The following TTBK1 variants were observed in gnomAD, a reference collection of about 807,000 sequenced individuals.
TTBK1 encodes the protein tau-tubulin kinase 1.
Under a neutral mutation model 108.5 loss-of-function variants are expected in TTBK1, and 34 were observed. That is an observed-to-expected ratio of 0.31 (90% CI 0.24 to 0.42). The LOEUF is 0.42. Ranked by LOEUF, TTBK1 falls within the 10% of genes least tolerant of loss-of-function variation. TTBK1 has a pLI of 1.00. For synonymous variants in TTBK1, 809 were observed against 795.1 expected (o/e 1.02, Z -0.29); for missense variants, 1,539 against 1,826.0 (o/e 0.84, Z 2.86).
chr6:43,277,969 G>A (rs1432745669), intron 13 of TTBK1, among the ~76,000 whole-genome samples: 1 of 152,026 alleles, frequency 6.6e-6, no homozygotes, highest in East Asian at 1.9e-4. Flanking sequence ...AGCATAGGAG[G>A]AGTGGGGAGC....
rs142312292 is a variant in TTBK1 at position 43,269,983 on chromosome 6, T to TG, written c.1986+6642dup. The TG allele has an allele frequency of 3.2e-3, 4,226 of 1,302,044 alleles. 5 individuals carry two copies. The highest frequency in any genetic ancestry group is 5.3e-3 in the African/African-American group (339 of 64,296). The allele number at this position is 1,302,044 out of a possible 1,614,324, so 80.7% of individuals were successfully genotyped here. ...CCCCCCCCCTCCTGGAGGGGGCAGG[T>TG]GGGGGGGGGTGGGGAGCAGGCAGAG... is the stretch of plus-strand genomic sequence containing the variant. On this transcript the variant is annotated intron_variant, in intron 13 of 14. Coordinates refer to ENST00000259750, the MANE Select transcript of TTBK1 (RefSeq NM_032538.3). This position sits in a 1 kb window ranked among gnomAD's most constrained non-coding sequence, Gnocchi z 4.8.
At position 43,253,224 on chromosome 6, in the gene TTBK1, C is replaced by G. The variant is rs189797208; in HGVS notation, c.257-67C>G. Reference sequence around the variant, plus strand: ...CCAGGAATCAAGAGTGCACTAGGAACCCATCTTAGGGTTGGAAATGAGGAA... The same window carrying G: ...CCAGGAATCAAGAGTGCACTAGGAAGCCATCTTAGGGTTGGAAATGAGGAA... On this transcript the variant is annotated intron_variant, in intron 3 of 14. Coordinates refer to ENST00000259750, the MANE Select transcript of TTBK1 (RefSeq NM_032538.3). This position sits in a 1 kb window ranked among gnomAD's most constrained non-coding sequence, Gnocchi z 5.8. 6.4e-7 allele frequency: 1 copy of G among 1,558,602 alleles called. No individual in the cohort carries two copies. Among genetic ancestry groups the G allele is most frequent in the African/African-American group, 1.4e-5 (1 of 73,696 alleles).
chr6:43,283,270 A>C lies in TTBK1; in HGVS notation c.2530A>C (p.Met844Leu). Residue 844 changes from methionine to leucine, a missense_variant, in exon 14 of 15, where the codon ATG (methionine) becomes CTG (leucine). Transcript: ENST00000259750. This position sits in a 1 kb window ranked among gnomAD's most constrained non-coding sequence, Gnocchi z 8.1. Reference sequence around the variant, plus strand: ...GCTGGTGCTTGTCTCTCCTGGCGACATGAAGAAGTCGCCCGTCACTGCCGA... The same window carrying C: ...GCTGGTGCTTGTCTCTCCTGGCGACCTGAAGAAGTCGCCCGTCACTGCCGA... ...KTLVLVSPGD[M>L]KKSPVTAELA... The C allele has an allele frequency of 6.4e-7, 1 of 1,558,892 alleles. No homozygotes were observed. The highest frequency in any genetic ancestry group is 8.7e-7 in the Non-Finnish European group (1 of 1,151,624).
Position 43,285,150 on chromosome 6 carries a change from C to T in TTBK1, c.3740C>T (p.Ala1247Val). The T allele has an allele frequency of 4.9e-6, 7 of 1,429,282 alleles. No homozygotes were observed. The highest frequency in any genetic ancestry group is 6.4e-6 in the Non-Finnish European group (7 of 1,099,278). The allele number at this position is 1,429,282 out of a possible 1,614,324, so 88.5% of individuals were successfully genotyped here. A position where few individuals can be genotyped will look rare whatever the true frequency, so the allele number is the denominator to read the frequency against. ...ACATCCGCCGCGCGCAATGCCAGCG[C>T]GTCCCCCCGGAGCCAGTCCCTGTCC... ...ASTSAARNAS[A>V]SPRSQSLSRR... The change falls in exon 15 of 15, where the codon GCG becomes GTG. Residue 1247 changes from alanine to valine, a missense_variant. Ala to Val is a moderately conservative substitution (Grantham distance 64, BLOSUM62 0). Coordinates refer to ENST00000259750, the MANE Select transcript of TTBK1 (RefSeq NM_032538.3). This position sits in a 1 kb window ranked among gnomAD's most constrained non-coding sequence, Gnocchi z 4.7.
intron 1 of TTBK1, among the ~76,000 whole-genome samples, chr6:43,245,187 G>T (rs190086239): frequency 6.6e-6 from 1 of 152,256 alleles, no homozygotes; most frequent in East Asian, 1.9e-4. Context: ...TTCATCCCAA[G>T]GAAAGGTGGG....
intron 13 of TTBK1, chr6:43,272,106 C>T (rs1040476428): frequency 4.1e-6 from 4 of 985,406 alleles, no homozygotes; most frequent in Non-Finnish European, 4.8e-6. Flanking sequence ...CCTCCTCTTG[C>T]CCTCTTCCCA....
rs1778262848 is a variant in TTBK1, at chr6:43,283,729, G to T, written c.2989G>T (p.Ala997Ser). 1.2e-6 allele frequency: 2 copies of T among 1,613,796 alleles called. No homozygotes were observed. The highest frequency in any genetic ancestry group is 1.7e-6 in the Non-Finnish European group (2 of 1,179,854). Residue 997 changes from alanine to serine, a missense_variant, in exon 14 of 15, where the codon GCC becomes TCC. Ala to Ser is a moderately conservative substitution (Grantham distance 99). Coordinates refer to ENST00000259750, the MANE Select transcript of TTBK1 (RefSeq NM_032538.3). This position sits in a 1 kb window ranked among gnomAD's most constrained non-coding sequence, Gnocchi z 8.1. ...GAATGGGGCTGAGATAGAGGGCTCT[G>T]CCCTGTCTGGGGCCCCCCGGGAAAC... The part of the protein sequence containing the change: ...GLNGAEIEGS[A>S]LSGAPRETPS...
chr6:43,284,963 T>C lies in TTBK1; in HGVS notation c.3573-20T>C. 1 of 1,507,232 alleles carries C rather than the reference T, an allele frequency of 6.6e-7. No individual in the cohort carries two copies. Among genetic ancestry groups the C allele is most frequent in the Non-Finnish European group, 8.8e-7 (1 of 1,134,160 alleles). The allele number at this position is 1,507,232 out of a possible 1,614,324, so 93.4% of individuals were successfully genotyped here. A position where few individuals can be genotyped will look rare whatever the true frequency, so the allele number is the denominator to read the frequency against. On this transcript the variant is annotated intron_variant, in intron 14 of 14. Coordinates refer to ENST00000259750, the MANE Select transcript of TTBK1 (RefSeq NM_032538.3). ...GTTTCTTTGCCCTCTTCTTTTCTCC[T>C]GCCTTCTGCTCTCAAGCAGGCTCCA... is the stretch of plus-strand genomic sequence containing the variant.
chr6:43,253,207 C>A lies in TTBK1; in HGVS notation c.257-84C>A. 6.9e-7 allele frequency: 1 copy of A among 1,459,826 alleles called. No individual in the cohort carries two copies. The highest frequency in any genetic ancestry group is 9.6e-7 in the Non-Finnish European group (1 of 1,040,840). 90.4% of individuals were successfully genotyped at this position (1,459,826 alleles called of 1,614,324 possible). A position where few individuals can be genotyped will look rare whatever the true frequency, so the allele number is the denominator to read the frequency against. ...GGCCAGCACTGGAGGGACCAGGAATCAAGAGTGCACTAGGAACCCATCTTA... is the reference window on the plus strand; with the variant it reads ...GGCCAGCACTGGAGGGACCAGGAATAAAGAGTGCACTAGGAACCCATCTTA... On this transcript the variant is annotated intron_variant, in intron 3 of 14. Transcript: ENST00000259750. This position sits in a 1 kb window ranked among gnomAD's most constrained non-coding sequence, Gnocchi z 5.8.
rs758793081 is a variant in TTBK1, at chr6:43,282,957, G to A, written c.2217G>A (p.Glu739=). ...GGAAGGAGGAAGAGGAGGAGGAGGA[G>A]GAAGATGAGGAAGAGGAAGAAGAGG... ...ANGKEEEEEE[E]EDEEEEEEDE... Residue 739 remains glutamate (E), a synonymous_variant, in exon 14 of 15, where the codon GAG becomes GAA. Transcript: ENST00000259750. The surrounding 1 kb of genome is among the most constrained non-coding windows in gnomAD (Gnocchi z 5.4). 2 of 1,606,450 alleles carry A rather than the reference G, an allele frequency of 1.2e-6. No homozygotes were observed. The highest frequency in any genetic ancestry group is 1.1e-5 in the South Asian group (1 of 90,362).
chr6:43,278,314 C>T (rs1778063571), intron 13 of TTBK1, among the ~76,000 whole-genome samples: 1 of 152,140 alleles, frequency 6.6e-6, no homozygotes, highest in Admixed American at 6.5e-5. Flanking sequence ...AGGCCTAGCC[C>T]TCTAGATGAG....
At chr6:43,266,286 T>C (rs1330989681) in intron 13 of TTBK1, among the ~76,000 whole-genome samples, 1 of 152,258 alleles carries the variant, frequency 6.6e-6, no homozygotes, top group Non-Finnish European at 1.5e-5. Flanking sequence ...GTGTAGAATA[T>C]GCAGCAGGTC....
In TTBK1 at chr6:43,285,548, C is replaced by A; in HGVS notation, c.*172C>A. On this transcript the variant is annotated 3_prime_UTR_variant, in exon 15 of 15. Coordinates refer to ENST00000259750, the MANE Select transcript of TTBK1 (RefSeq NM_032538.3). The surrounding 1 kb of genome is among the most constrained non-coding windows in gnomAD (Gnocchi z 4.7). The stretch of plus-strand genomic sequence containing the variant: ...CGCGCGAGCACACGCGGCGCCCCGC[C>A]AGGCCTTAGGGCCCGTGGGGGACGC... 1 of 886,102 alleles carries A rather than the reference C, an allele frequency of 1.1e-6. No individual in the cohort carries two copies. The highest frequency in any genetic ancestry group is 1.5e-6 in the Non-Finnish European group (1 of 680,596). The allele number at this position is 886,102 out of a possible 1,614,324, so 54.9% of individuals were successfully genotyped here. A position where few individuals can be genotyped will look rare whatever the true frequency, so the allele number is the denominator to read the frequency against.
At chr6:43,267,166 C>T (rs777454761) in intron 13 of TTBK1, among the ~76,000 whole-genome samples, 15 of 152,072 alleles carry the variant, frequency 9.9e-5, no homozygotes, top group Non-Finnish European at 2.2e-4. Flanking sequence ...CAACATGTTT[C>T]GCCAAGTACT....
Position 43,259,182 on chromosome 6 carries a change from C to T in TTBK1, c.1161C>T (p.His387=). Residue 387 remains histidine, a synonymous_variant, in exon 11 of 15, where the codon CAC becomes CAT. Transcript: ENST00000259750. This position sits in a 1 kb window ranked among gnomAD's most constrained non-coding sequence, Gnocchi z 6.7. ...CTGAGGGGCTGGGCCCCAGTCCCCA[C>T]CTTGTCCCCCACCCCGGGGGTCCTG... ...RPSEGLGPSP[H]LVPHPGGPEA... 6.2e-7 allele frequency: 1 copy of T among 1,610,102 alleles called. No individual in the cohort carries two copies. The highest frequency in any genetic ancestry group is 8.5e-7 in the Non-Finnish European group (1 of 1,178,170).
Position 43,287,417 on chromosome 6 carries a change from CCAA to C in TTBK1, c.*2047_*2049del, listed in dbSNP as rs1040601490. 2 of 152,894 alleles carry C rather than the reference CCAA, an allele frequency of 1.3e-5. No individual in the cohort carries two copies. Among genetic ancestry groups the C allele is most frequent in the East Asian group, 3.8e-4 (2 of 5,204 alleles). 9.5% of individuals were successfully genotyped at this position (152,894 alleles called of 1,614,324 possible). The stretch of plus-strand genomic sequence containing the variant: ...CCCCAGCCTCACCTCTGCCCCAGGA[CCAA>C]CAACACCCTGGTTTGGAGCTGGGAG... On this transcript the variant is annotated 3_prime_UTR_variant, in exon 15 of 15. Transcript: ENST00000259750. This position sits in a 1 kb window ranked among gnomAD's most constrained non-coding sequence, Gnocchi z 4.1.
chr6:43,263,446 A>T lies in TTBK1; in HGVS notation c.1986+96A>T. Reference sequence around the variant, plus strand: ...TCCATGTGTGCTGGCACTACTGACCAGTAAGCCAGCAGTCACAGGGCTGTG... The same window carrying T: ...TCCATGTGTGCTGGCACTACTGACCTGTAAGCCAGCAGTCACAGGGCTGTG... On this transcript the variant is annotated intron_variant, in intron 13 of 14. Coordinates refer to ENST00000259750, the MANE Select transcript of TTBK1 (RefSeq NM_032538.3). The surrounding 1 kb of genome is among the most constrained non-coding windows in gnomAD (Gnocchi z 4.7). The T allele has an allele frequency of 2.5e-6, 3 of 1,186,534 alleles. No homozygotes were observed. The highest frequency in any genetic ancestry group is 3.4e-6 in the Non-Finnish European group (3 of 886,172). 73.5% of individuals were successfully genotyped at this position (1,186,534 alleles called of 1,614,324 possible).
At chr6:43,258,212 G>A (rs754515986) in intron 10 of TTBK1, among the ~76,000 whole-genome samples, 3 of 152,150 alleles carry the variant, frequency 2.0e-5, no homozygotes, top group Non-Finnish European at 2.9e-5. Flanking sequence ...AACCCTAAGC[G>A]AAATTACCTG....
At position 43,269,057 on chromosome 6, in the gene TTBK1, A is replaced by C. The variant is rs1161142710; in HGVS notation, c.1986+5707A>C. 6.6e-6 allele frequency among the ~76,000 whole-genome samples: 1 copy of C among 152,208 alleles called. No homozygotes were observed. The highest frequency in any genetic ancestry group is 1.5e-5 in the Non-Finnish European group (1 of 68,030). The stretch of plus-strand genomic sequence containing the variant: ...TGCAGTAACTTGCTCAAGGTCACTC[A>C]GATTTTAAGTGGTGGAGTTGGGATT... On this transcript the variant is annotated intron_variant, in intron 13 of 14. Transcript: ENST00000259750. This position sits in a 1 kb window ranked among gnomAD's most constrained non-coding sequence, Gnocchi z 4.8.
Sources: allele counts gnomAD v4.1 joint callset (sites outside exome capture counted in the v4.1 genomes callset), GRCh38; gene constraint gnomAD v4.1.1; non-coding constraint Gnocchi (gnomAD v3.1); transcripts MANE v1.5; gene names NCBI Gene and HGNC (gene_info 2026-07-23, HGNC 2026-07-21).